The following LPP variants were observed in gnomAD, a reference collection of about 807,000 sequenced individuals.
The protein encoded by LPP is LIM domain containing preferred translocation partner in lipoma.
Under a neutral mutation model 60.4 loss-of-function variants are expected in LPP, and 38 were observed. The observed-to-expected ratio is 0.63, with a 90% CI of 0.49 to 0.83. LPP has a LOEUF of 0.83. Among genes scored for constraint, LPP ranks in the 40% least tolerant of loss-of-function variants. The pLI is 0.00. For missense variants in LPP, 902 were observed against 783.6 expected, an observed-to-expected ratio of 1.15 and a Z score of -1.80; for synonymous variants, 328 against 290.8, an observed-to-expected ratio of 1.13 and a Z score of -1.30.
At chr3:188,358,905 A>G (rs999991527) in intron 3 of LPP, among the ~76,000 whole-genome samples, 3 of 152,174 alleles carry the variant, frequency 2.0e-5, no homozygotes, top group Admixed American at 2.0e-4. Context: ...TGGCCACACG[A>G]GTCTGGAAAA....
At chr3:188,788,602 C>G (rs1425610206) in intron 9 of LPP, among the ~76,000 whole-genome samples, 1 of 152,166 alleles carries the variant, frequency 6.6e-6, no homozygotes, top group Non-Finnish European at 1.5e-5. Context: ...GGGTTGATGT[C>G]TTGTTTCTCA....
At chr3:188,788,593 G>C (rs1349162033) in intron 9 of LPP, among the ~76,000 whole-genome samples, 1 of 152,102 alleles carries the variant, frequency 6.6e-6, no homozygotes, top group Non-Finnish European at 1.5e-5. Flanking sequence ...CTAAGGGGAG[G>C]GTTGATGTCT....
At chr3:188,237,657 G>C (rs892078576) in intron 2 of LPP, among the ~76,000 whole-genome samples, 5 of 151,510 alleles carry the variant, frequency 3.3e-5, no homozygotes, top group Non-Finnish European at 5.9e-5. Context: ...TATTTTGAAA[G>C]GAATCTTTTT....
intron 9 of LPP, among the ~76,000 whole-genome samples, chr3:188,791,381 T>C (rs1743687739): frequency 6.6e-6 from 1 of 152,178 alleles, no homozygotes; most frequent in African/African-American, 2.4e-5. Context: ...CTCTTCCCAA[T>C]GCTCTGTCTC....
chr3:188,378,472 A>C (rs1170198566), intron 3 of LPP, among the ~76,000 whole-genome samples: 1 of 152,272 alleles, frequency 6.6e-6, no homozygotes, highest in East Asian at 1.9e-4. Context: ...CCGCTGTGCT[A>C]GCAATGAGTG....
At chr3:188,199,894 T>C (rs1730583664) in intron 1 of LPP, among the ~76,000 whole-genome samples, 1 of 151,960 alleles carries the variant, frequency 6.6e-6, no homozygotes, top group Non-Finnish European at 1.5e-5. Context: ...TTTGTATTTT[T>C]AGTAGAGACG....
chr3:188,479,630 A>G (rs1005956829), intron 4 of LPP, among the ~76,000 whole-genome samples: 1 of 152,228 alleles, frequency 6.6e-6, no homozygotes, highest in Non-Finnish European at 1.5e-5. Flanking sequence ...AGTGGACTCT[A>G]CTTGTAAGAA....
intron 5 of LPP, among the ~76,000 whole-genome samples, chr3:188,515,201 G>A (rs746176246): frequency 3.3e-5 from 5 of 152,126 alleles, no homozygotes; most frequent in African/African-American, 7.2e-5. Context: ...TCTTATGGGG[G>A]TTTAGTGCCA....
chr3:188,597,793 T>C (rs1840277123), intron 6 of LPP, among the ~76,000 whole-genome samples: 1 of 152,140 alleles, frequency 6.6e-6, no homozygotes, highest in African/African-American at 2.4e-5. Context: ...TTGAAAAAAC[T>C]GATTTCAATA....
chr3:188,738,389 G>A (rs1425366049), intron 8 of LPP, among the ~76,000 whole-genome samples: 1 of 152,138 alleles, frequency 6.6e-6, no homozygotes, highest in East Asian at 1.9e-4. Flanking sequence ...AGATGAGGTA[G>A]TTTATACCCA....
At chr3:188,439,740 T>C (rs1364015113) in intron 4 of LPP, among the ~76,000 whole-genome samples, 1 of 152,244 alleles carries the variant, frequency 6.6e-6, no homozygotes, top group Non-Finnish European at 1.5e-5. Context: ...TCATAGGCAC[T>C]GAGGATGCAG....
chr3:188,741,917 A>G (rs1469891038), intron 8 of LPP, among the ~76,000 whole-genome samples: 3 of 152,076 alleles, frequency 2.0e-5, no homozygotes, highest in African/African-American at 7.2e-5. Context: ...ATGCCAGAAT[A>G]TAGAAATAAT....
chr3:188,340,904 A>C (rs1012457989), intron 2 of LPP, among the ~76,000 whole-genome samples: 1 of 152,206 alleles, frequency 6.6e-6, no homozygotes, highest in South Asian at 2.1e-4. Context: ...AAGAAATGTT[A>C]TCACTGCTCT....
chr3:188,236,040 A>G (rs2149401921), intron 2 of LPP, among the ~76,000 whole-genome samples: 1 of 152,182 alleles, frequency 6.6e-6, no homozygotes, highest in Non-Finnish European at 1.5e-5. Flanking sequence ...AACACCTACT[A>G]TTTGCTAGAC....
At chr3:188,544,451 A>G (rs1367952088) in intron 6 of LPP, among the ~76,000 whole-genome samples, 2 of 152,148 alleles carry the variant, frequency 1.3e-5, no homozygotes, top group East Asian at 1.9e-4. Context: ...GCTGACATGA[A>G]CAGACACTTC....
At chr3:188,575,285 A>AT (rs1399843088) in intron 6 of LPP, among the ~76,000 whole-genome samples, 2 of 152,040 alleles carry the variant, frequency 1.3e-5, no homozygotes, top group Non-Finnish European at 2.9e-5. Flanking sequence ...ACTTATTTTG[A>AT]TTTTTTGTTT....
At chr3:188,487,624 A>G (rs1435342682) in intron 5 of LPP, among the ~76,000 whole-genome samples, 1 of 152,216 alleles carries the variant, frequency 6.6e-6, no homozygotes, top group Non-Finnish European at 1.5e-5. Context: ...ATTCAAAAGA[A>G]AACGAACATG....
chr3:188,413,207 C>T (rs1310751071), intron 4 of LPP, among the ~76,000 whole-genome samples: 5 of 152,008 alleles, frequency 3.3e-5, no homozygotes, highest in African/African-American at 7.3e-5. Context: ...CTGGATTTTC[C>T]CCATTATTTT....
chr3:188,495,080 A>ATATATATATATATATATATT (rs1809613641), intron 5 of LPP, among the ~76,000 whole-genome samples: 1 of 100,812 alleles, frequency 9.9e-6, no homozygotes, highest in Non-Finnish European at 1.7e-5. Flanking sequence ...ATATATATAT[A>ATATATATATATATATATATT]TATTTTATTT....
Sources: gnomAD v4.1 joint callset for allele counts (sites outside exome capture counted in the v4.1 genomes callset) on GRCh38, gnomAD v4.1.1 for gene constraint, MANE v1.5 for transcripts, NCBI Gene and HGNC (gene_info 2026-07-23, HGNC 2026-07-21) for gene names.